The following GLP2R variants were observed in gnomAD, a reference collection of about 807,000 sequenced individuals.
The protein encoded by GLP2R is glucagon-like peptide 2 receptor.
In GLP2R, 59 loss-of-function variants were observed where a neutral mutation model predicts 68.2. The observed-to-expected ratio is 0.87, with a 90% confidence interval of 0.70 to 1.07. The LOEUF (loss-of-function observed/expected upper bound fraction) is 1.07, where lower values mean the gene tolerates loss of function less well. GLP2R is among the 50% of genes least tolerant of loss of function. GLP2R has a pLI of 0.00. For missense variants in GLP2R, 548 were observed against 677.4 expected (o/e 0.81, Z 2.12); for synonymous variants, 270 against 265.4 (o/e 1.02, Z -0.17).
At chr17:9,860,539 G>A (rs555626478) in intron 7 of GLP2R, among the ~76,000 whole-genome samples, 2 of 152,252 alleles carry the variant, frequency 1.3e-5, no homozygotes, top group East Asian at 3.9e-4. Context: ...ATTCTCACAT[G>A]GTGAGGAGAG....
intron 6 of GLP2R, among the ~76,000 whole-genome samples, chr17:9,859,505 G>A (rs2066964598): frequency 6.6e-6 from 1 of 151,902 alleles, no homozygotes; most frequent in African/African-American, 2.4e-5. Context: ...GAGTAAAGAG[G>A]GAGGGGGCCG....
chr17:9,841,105 C>T (rs1443269950), intron 3 of GLP2R, among the ~76,000 whole-genome samples: 2 of 151,302 alleles, frequency 1.3e-5, no homozygotes, highest in Non-Finnish European at 2.9e-5. Flanking sequence ...CAACCTCTGC[C>T]TCCCAGGTTC....
Position 9,836,474 on chromosome 17 carries a change from A to C in GLP2R, c.381A>C (p.Glu127Asp). 1.3e-6 allele frequency: 2 copies of C among 1,572,358 alleles called. No individual in the cohort carries two copies. Among genetic ancestry groups the C allele is most frequent in the Non-Finnish European group, 1.8e-6 (2 of 1,141,894 alleles). Reference protein sequence around the residue: ...PCPSYLPWWSEESSGRAYRHC... With the variant: ...PCPSYLPWWSDESSGRAYRHC... Reference sequence around the variant, plus strand: ...CTTCATACTTACCTTGGTGGAGTGAAGGTAATAAGTCTTATTTTTACCAAT... The same window carrying C: ...CTTCATACTTACCTTGGTGGAGTGACGGTAATAAGTCTTATTTTTACCAAT... Residue 127 changes from glutamate (E) to aspartate (D), a missense_variant and splice_region_variant, in exon 3 of 13, where the codon GAA becomes GAC. By Grantham distance (45) the Glu-to-Asp change is conservative. Transcript: ENST00000262441.
intron 11 of GLP2R, among the ~76,000 whole-genome samples, chr17:9,886,483 A>G (rs2067245145): frequency 1.3e-5 from 2 of 152,142 alleles, no homozygotes; most frequent in South Asian, 4.1e-4. Context: ...GGCACCCTAA[A>G]AGCCAGCTCT....
In GLP2R at chr17:9,881,526, G is replaced by A. The variant is rs375511547; in HGVS notation, c.1284+1010G>A. Reference sequence around the variant, plus strand: ...CTCCCAAGTAGCTGGGACTACAGGCGCCCGCCACTACGCCCGGCTAATTTT... The same window carrying A: ...CTCCCAAGTAGCTGGGACTACAGGCACCCGCCACTACGCCCGGCTAATTTT... On this transcript the variant is annotated intron_variant, in intron 11 of 12. Coordinates refer to ENST00000262441, the MANE Select transcript of GLP2R (RefSeq NM_004246.3). 7.6e-5 allele frequency among the ~76,000 whole-genome samples: 11 copies of A among 144,828 alleles called. 1 individual carries two copies. The highest frequency in any genetic ancestry group is 4.2e-4 in the South Asian group (2 of 4,756).
At chr17:9,844,584 G>A (rs960674683) in intron 4 of GLP2R, among the ~76,000 whole-genome samples, 1 of 147,970 alleles carries the variant, frequency 6.8e-6, no homozygotes, top group African/African-American at 2.5e-5. Context: ...TTGGACCCTT[G>A]AGGAGACTTA....
chr17:9,848,411 G>A (rs1476924604), intron 4 of GLP2R, among the ~76,000 whole-genome samples: 1 of 152,096 alleles, frequency 6.6e-6, no homozygotes, highest in African/African-American at 2.4e-5. Context: ...CACAAATTCT[G>A]AGCCAATTGG....
intron 9 of GLP2R, among the ~76,000 whole-genome samples, chr17:9,867,853 C>T (rs1295561866): frequency 6.6e-6 from 1 of 152,184 alleles, no homozygotes; most frequent in Admixed American, 6.5e-5. Flanking sequence ...AAAGTTGATG[C>T]ACTGGTAAAA....
chr17:9,881,332 G>GGGCA (rs1242401453), intron 11 of GLP2R, among the ~76,000 whole-genome samples: 3 of 151,018 alleles, frequency 2.0e-5, no homozygotes. Flanking sequence ...CCACAGGATA[G>GGGCA]GGCAGTTCAG....
At position 9,831,445 on chromosome 17, in the gene GLP2R, C is replaced by A. The variant is rs1324626464; in HGVS notation, c.190-2362C>A. The stretch of plus-strand genomic sequence containing the variant: ...GATAAGTGGCCCACCAATGACATTG[C>A]AGTGTGATGGGCCATAGGGATCGGT... On this transcript the variant is annotated intron_variant, in intron 1 of 12. Transcript: ENST00000262441. Among the ~76,000 whole-genome samples the A allele has an allele frequency of 2.0e-5, 3 of 152,042 alleles. No individual in the cohort carries two copies. The East Asian group carries it at 5.8e-4, about 29-fold the overall frequency.
At chr17:9,874,194 G>A (rs1423932688) in intron 10 of GLP2R, among the ~76,000 whole-genome samples, 1 of 152,180 alleles carries the variant, frequency 6.6e-6, no homozygotes, top group Non-Finnish European at 1.5e-5. Context: ...CCCACCAGGA[G>A]CCATTGGTCT....
intron 1 of GLP2R, among the ~76,000 whole-genome samples, chr17:9,831,713 C>A (rs922492721): frequency 5.3e-5 from 8 of 152,274 alleles, no homozygotes; most frequent in Non-Finnish European, 1.2e-4. Context: ...AGACTGTAGG[C>A]AGGAGAGCCC....
chr17:9,855,856 G>A (rs897540532), intron 5 of GLP2R, among the ~76,000 whole-genome samples: 13 of 152,218 alleles, frequency 8.5e-5, no homozygotes, highest in African/African-American at 3.1e-4. Flanking sequence ...CAAAGCCTGT[G>A]TGCCTTTTAC....
chr17:9,841,299 G>T (rs1314485184), intron 3 of GLP2R, among the ~76,000 whole-genome samples: 1 of 151,756 alleles, frequency 6.6e-6, no homozygotes, highest in Non-Finnish European at 1.5e-5. Context: ...AAGTGCTGGG[G>T]TTACAGGCGT....
At chr17:9,853,787 T>G (rs867803945) in intron 4 of GLP2R, among the ~76,000 whole-genome samples, 2 of 152,210 alleles carry the variant, frequency 1.3e-5, no homozygotes, top group Admixed American at 6.5e-5. Context: ...CTACCAAATA[T>G]ATAAAGTTAA....
chr17:9,852,440 A>G (rs1317762334), intron 4 of GLP2R, among the ~76,000 whole-genome samples: 1 of 152,148 alleles, frequency 6.6e-6, no homozygotes. Context: ...CATGGTGTAT[A>G]TGTGCCACAT....
intron 5 of GLP2R, among the ~76,000 whole-genome samples, chr17:9,856,190 C>T: frequency 6.6e-6 from 1 of 152,154 alleles, no homozygotes; most frequent in East Asian, 1.9e-4. Context: ...TTATCTGTGA[C>T]CTCCTTCCTT....
At chr17:9,844,274 G>A (rs995459945) in intron 4 of GLP2R, among the ~76,000 whole-genome samples, 1 of 152,098 alleles carries the variant, frequency 6.6e-6, no homozygotes, top group Non-Finnish European at 1.5e-5. Context: ...AAGTAGGAGA[G>A]GGACATAACT....
chr17:9,881,380 T>TTTTTTTTTTC (rs2067194346), intron 11 of GLP2R, among the ~76,000 whole-genome samples: 1 of 82,126 alleles, frequency 1.2e-5, no homozygotes, highest in Non-Finnish European at 2.0e-5. Context: ...TGTCAGGCCT[T>TTTTTTTTTTC]TTTTTTTTTT....
Sources: allele counts gnomAD v4.1 joint callset (sites outside exome capture counted in the v4.1 genomes callset), GRCh38; gene constraint gnomAD v4.1.1; transcripts MANE v1.5; gene names NCBI Gene and HGNC (gene_info 2026-07-23, HGNC 2026-07-21).